NELL1: variants seen among roughly 807,000 people sequenced by gnomAD.
NELL1 encodes protein kinase C-binding protein NELL1.
NELL1 carries 76 observed loss-of-function variants against 107.4 expected under a neutral mutation model. That is an observed-to-expected ratio of 0.71 (90% CI 0.59 to 0.86). NELL1 has a LOEUF of 0.86. Ranked by LOEUF, NELL1 falls within the 40% of genes least tolerant of loss-of-function variation. The pLI, the probability that NELL1 is intolerant of heterozygous loss-of-function variation, is 0.00. For synonymous variants in NELL1, 353 were observed against 341.2 expected (o/e 1.03, Z -0.38); for missense variants, 1,024 against 1,005.5 (o/e 1.02, Z -0.25).
chr11:21,147,620 G>A (rs1422038513), intron 13 of NELL1, among the ~76,000 whole-genome samples: 1 of 151,818 alleles, frequency 6.6e-6, no homozygotes, highest in Non-Finnish European at 1.5e-5. Context: ...ATCACCTGAG[G>A]TCAGGAGTTC....
At chr11:20,947,537 A>G in intron 11 of NELL1, 102 bp downstream of exon 11, 1 of 828,326 alleles carries the variant, frequency 1.2e-6, no homozygotes, top group South Asian at 1.4e-5. Context: ...TGGGTCCAAA[A>G]CTCTGTGCGC....
intron 2 of NELL1, among the ~76,000 whole-genome samples, chr11:20,721,155 C>A (rs532777361): frequency 1.6e-4 from 20 of 126,142 alleles, no homozygotes; most frequent in Non-Finnish European, 2.5e-4. Context: ...CTCCAGAAAC[C>A]AATGAGATAT....
intron 2 of NELL1, among the ~76,000 whole-genome samples, chr11:20,769,933 A>C (rs1856608478): frequency 6.6e-6 from 1 of 152,210 alleles, no homozygotes; most frequent in Non-Finnish European, 1.5e-5. Context: ...ATGATACCCA[A>C]GTAGAAAAGA....
intron 12 of NELL1, among the ~76,000 whole-genome samples, chr11:20,989,755 G>A (rs1851930953): frequency 6.6e-6 from 1 of 152,134 alleles, no homozygotes; most frequent in Admixed American, 6.5e-5. Flanking sequence ...CACTTTGGGA[G>A]GCCGAGGTGG....
intron 15 of NELL1, among the ~76,000 whole-genome samples, chr11:21,375,994 G>T (rs187876387): frequency 2.3e-4 from 35 of 152,058 alleles, no homozygotes; most frequent in African/African-American, 7.7e-4. Context: ...CCATTCTGTA[G>T]GTTGTCTGCT....
At chr11:21,162,963 A>C (rs957236067) in intron 13 of NELL1, among the ~76,000 whole-genome samples, 1 of 152,208 alleles carries the variant, frequency 6.6e-6, no homozygotes, top group Admixed American at 6.5e-5. Flanking sequence ...AATACTGTGA[A>C]AGTATAATAA....
At chr11:20,913,350 A>G (rs1850174766) in intron 5 of NELL1, among the ~76,000 whole-genome samples, 1 of 152,166 alleles carries the variant, frequency 6.6e-6, no homozygotes, top group South Asian at 2.1e-4. Flanking sequence ...AGAGCGTTAA[A>G]AAAGAATTAG....
intron 3 of NELL1, among the ~76,000 whole-genome samples, chr11:20,796,611 G>A (rs1479659516): frequency 1.3e-5 from 2 of 152,224 alleles, no homozygotes; most frequent in African/African-American, 4.8e-5. Flanking sequence ...AATATTGGGT[G>A]TCTATGATTA....
chr11:21,477,447 AC>A (rs1373056615), intron 15 of NELL1, among the ~76,000 whole-genome samples: 1 of 152,086 alleles, frequency 6.6e-6, no homozygotes, highest in Non-Finnish European at 1.5e-5. Flanking sequence ...GCAAGGTGGT[AC>A]CTCTATGAAT....
chr11:21,118,505 A>C (rs1321238702), intron 13 of NELL1, among the ~76,000 whole-genome samples: 1 of 152,088 alleles, frequency 6.6e-6, no homozygotes, highest in Non-Finnish European at 1.5e-5. Context: ...ATAGGCAAAG[A>C]AGACTTCCTT....
intron 10 of NELL1, among the ~76,000 whole-genome samples, chr11:20,938,848 C>A (rs1208588682): frequency 2.0e-5 from 3 of 151,670 alleles, no homozygotes; most frequent in African/African-American, 7.3e-5. Flanking sequence ...GACAATGGAC[C>A]TAGTTTGGAC....
chr11:21,365,888 T>C (rs1047815862), intron 14 of NELL1, among the ~76,000 whole-genome samples: 10 of 152,078 alleles, frequency 6.6e-5, no homozygotes, highest in Non-Finnish European at 4.4e-5. Context: ...ATCAACTTAA[T>C]TGTGTAAAGT....
At chr11:20,904,117 G>C (rs373065557) in intron 5 of NELL1, among the ~76,000 whole-genome samples, 84 of 152,184 alleles carry the variant, frequency 5.5e-4, no homozygotes, top group African/African-American at 1.9e-3. Flanking sequence ...CTCAGAACGA[G>C]TTAGTGGGTG....
chr11:21,329,260 C>T (rs1850217761), intron 14 of NELL1, among the ~76,000 whole-genome samples: 1 of 152,062 alleles, frequency 6.6e-6, no homozygotes. Context: ...AGTGAGTTCT[C>T]ACAGGATGGT....
At chr11:20,936,924 C>T (rs1012512433) in intron 9 of NELL1, among the ~76,000 whole-genome samples, 1 of 152,068 alleles carries the variant, frequency 6.6e-6, no homozygotes. Flanking sequence ...TCTTAGAGTG[C>T]GTATTATTGC....
intron 13 of NELL1, among the ~76,000 whole-genome samples, chr11:21,191,511 T>C (rs1459432618): frequency 6.6e-6 from 1 of 151,960 alleles, no homozygotes; most frequent in African/African-American, 2.4e-5. Flanking sequence ...CCTCCAAAAG[T>C]GGAAGACAAT....
intron 3 of NELL1, among the ~76,000 whole-genome samples, chr11:20,815,375 C>T (rs141241546): frequency 0.012 from 1,838 of 152,204 alleles, 35 homozygotes; most frequent in African/African-American, 0.042. Context: ...CATAAGCCAC[C>T]GTGCCTGCCT....
chr11:21,369,563 A>G (rs1851311526), intron 14 of NELL1, among the ~76,000 whole-genome samples: 2 of 152,074 alleles, frequency 1.3e-5, no homozygotes, highest in East Asian at 1.9e-4. Flanking sequence ...GGTTCTACGT[A>G]TTTGGAATAG....
intron 15 of NELL1, among the ~76,000 whole-genome samples, chr11:21,477,911 A>C (rs192509251): frequency 0.013 from 775 of 57,778 alleles, 5 homozygotes; most frequent in African/African-American, 0.039. Flanking sequence ...AATTATAAGA[A>C]ATTATAATAA....
Sources: allele counts gnomAD v4.1 joint callset (sites outside exome capture counted in the v4.1 genomes callset), GRCh38; gene constraint gnomAD v4.1.1; transcripts MANE v1.5; gene names NCBI Gene and HGNC (gene_info 2026-07-23, HGNC 2026-07-21).